CRMP1: variants seen among roughly 807,000 people sequenced by gnomAD.
CRMP1 encodes collapsin response mediator protein 1.
A neutral mutation model predicts 68.3 loss-of-function variants in CRMP1; 19 were observed. The observed-to-expected ratio is 0.28, with a 90% confidence interval of 0.19 to 0.41. The LOEUF is 0.41. CRMP1 is among the 10% of genes least tolerant of loss of function. The pLI, the probability that CRMP1 is intolerant of heterozygous loss-of-function variation, is 1.00. For synonymous variants in CRMP1, 439 were observed against 399.6 expected (o/e 1.10, Z -1.18); for missense variants, 791 against 967.4 (o/e 0.82, Z 2.42).
Position 5,892,237 on chromosome 4 carries a change from G to A in CRMP1, c.381+352C>T, listed in dbSNP as rs1029674381. On this transcript the variant is annotated intron_variant, in intron 1 of 13. Transcript: ENST00000324989. The surrounding 1 kb of genome is among the most constrained non-coding windows in gnomAD (Gnocchi z 8.6). Reference sequence around the variant, plus strand: ...TTCTTTTCACAAAACAGAATGAGGGGCCTGGGTTAGATTCATCCCAGAGGT... The same window carrying A: ...TTCTTTTCACAAAACAGAATGAGGGACCTGGGTTAGATTCATCCCAGAGGT... Among the ~76,000 whole-genome samples, 3 of 152,194 alleles carry A rather than the reference G, an allele frequency of 2.0e-5. No individual in the cohort carries two copies. The highest frequency in any genetic ancestry group is 7.2e-5 in the African/African-American group (3 of 41,456).
intron 1 of CRMP1, among the ~76,000 whole-genome samples, chr4:5,871,336 C>T (rs1714427241): frequency 6.6e-6 from 1 of 152,140 alleles, no homozygotes; most frequent in Non-Finnish European, 1.5e-5. Flanking sequence ...CAGGCCCAGA[C>T]AGGGGTTACC....
At chr4:5,829,728 A>G (rs866345083) in intron 11 of CRMP1, among the ~76,000 whole-genome samples, 1 of 152,204 alleles carries the variant, frequency 6.6e-6, no homozygotes, top group African/African-American at 2.4e-5. Flanking sequence ...CACACATACA[A>G]AATACTTTTA....
chr4:5,887,833 C>T, intron 1 of CRMP1: 2 of 999,348 alleles, frequency 2.0e-6, no homozygotes, highest in Non-Finnish European at 2.4e-6. Context: ...GGTGCGGGGG[C>T]CGAGCCAAGG....
chr4:5,828,993 G>GTTC (rs1258246593), intron 11 of CRMP1, among the ~76,000 whole-genome samples: 1 of 151,966 alleles, frequency 6.6e-6, no homozygotes, highest in African/African-American at 2.4e-5. Flanking sequence ...TAAGTAAAAT[G>GTTC]TTCTTCATTT....
intron 6 of CRMP1, among the ~76,000 whole-genome samples, chr4:5,847,406 G>C (rs558600302): frequency 3.9e-5 from 6 of 152,260 alleles, no homozygotes; most frequent in Non-Finnish European, 5.9e-5. Flanking sequence ...AATCATGGGG[G>C]CCAGAAGACA....
rs138783492 is a variant in CRMP1, at chr4:5,821,630, A to G, written c.*130T>C. 1,245 of 844,368 alleles carry G rather than the reference A, an allele frequency of 1.5e-3. 12 individuals are homozygous for G. The African/African-American group carries it at 0.019, about 13-fold the overall frequency. The allele number at this position is 844,368 out of a possible 1,614,324, so 52.3% of individuals were successfully genotyped here. A position where few individuals can be genotyped will look rare whatever the true frequency, so the allele number is the denominator to read the frequency against. ...ACTTCTTCCTAAACAGAAAAGGGAA[A>G]GAGCATCCTTCGACTTCCCCCTCCC... is the stretch of plus-strand genomic sequence containing the variant. On this transcript the variant is annotated 3_prime_UTR_variant, in exon 14 of 14. Transcript: ENST00000324989. This position sits in a 1 kb window ranked among gnomAD's most constrained non-coding sequence, Gnocchi z 4.4.
At position 5,870,421 on chromosome 4, in the gene CRMP1, C is replaced by T. The variant is rs893449341; in HGVS notation, c.382-3665G>A. Among the ~76,000 whole-genome samples, 1 of 152,256 alleles carries T rather than the reference C, an allele frequency of 6.6e-6. No individual in the cohort carries two copies. The highest frequency in any genetic ancestry group is 2.4e-5 in the African/African-American group (1 of 41,466). ...GTGCAGGACACAACTCCCCAGGGGACGCATGACACAGGCGTTGGTGGGGAC... is the reference window on the plus strand; with the variant it reads ...GTGCAGGACACAACTCCCCAGGGGATGCATGACACAGGCGTTGGTGGGGAC... On this transcript the variant is annotated intron_variant, in intron 1 of 13. Coordinates refer to ENST00000324989, the MANE Select transcript of CRMP1 (RefSeq NM_001014809.3). This position sits in a 1 kb window ranked among gnomAD's most constrained non-coding sequence, Gnocchi z 6.0.
At chr4:5,832,791 T>A (rs1349511622) in intron 11 of CRMP1, among the ~76,000 whole-genome samples, 1 of 152,226 alleles carries the variant, frequency 6.6e-6, no homozygotes, top group Admixed American at 6.5e-5. Context: ...TTGGGTATAT[T>A]ACATATTGTT....
intron 2 of CRMP1, among the ~76,000 whole-genome samples, chr4:5,864,252 G>C (rs1713815826): frequency 6.6e-6 from 1 of 152,128 alleles, no homozygotes; most frequent in Admixed American, 6.5e-5. Flanking sequence ...CTAGCAGCAG[G>C]TGGTGTGTGG....
At chr4:5,871,656 C>T (rs746721411) in intron 1 of CRMP1, among the ~76,000 whole-genome samples, 5 of 151,712 alleles carry the variant, frequency 3.3e-5, no homozygotes, top group East Asian at 1.9e-4. Context: ...TGAGATTCCC[C>T]GCTCCCCGCC....
chr4:5,868,261 C>CTATATATATATATATATATATATA (rs60816757), intron 1 of CRMP1, among the ~76,000 whole-genome samples: 2 of 111,470 alleles, frequency 1.8e-5, no homozygotes, highest in Non-Finnish European at 3.6e-5. Flanking sequence ...GACTATATAT[C>CTATATATATATATATATATATATA]TATATATATA....
At position 5,841,560 on chromosome 4, in the gene CRMP1, A is replaced by G; in HGVS notation, c.1033-132T>C. On this transcript the variant is annotated intron_variant, in intron 7 of 13. Transcript: ENST00000324989. The surrounding 1 kb of genome is among the most constrained non-coding windows in gnomAD (Gnocchi z 6.9). Reference sequence around the variant, plus strand: ...TGAATGAGAAGGACATACTGAGTCCAACAGCGCTTGACAGTGCCCCCTGCT... The same window carrying G: ...TGAATGAGAAGGACATACTGAGTCCGACAGCGCTTGACAGTGCCCCCTGCT... 1 of 1,429,304 alleles carries G rather than the reference A, an allele frequency of 7.0e-7. No homozygotes were observed. The highest frequency in any genetic ancestry group is 9.6e-7 in the Non-Finnish European group (1 of 1,043,674). The allele number at this position is 1,429,304 out of a possible 1,614,324, so 88.5% of individuals were successfully genotyped here. A position where few individuals can be genotyped will look rare whatever the true frequency, so the allele number is the denominator to read the frequency against.
Position 5,877,668 on chromosome 4 carries a change from G to T in CRMP1, c.382-10912C>A, listed in dbSNP as rs1714933907. The stretch of plus-strand genomic sequence containing the variant: ...TTCGTTCCCCCTCTCACGGGTAGGG[G>T]ACAGGGCGGCTTTCCCCCTTTCATG... On this transcript the variant is annotated intron_variant, in intron 1 of 13. Transcript: ENST00000324989. The surrounding 1 kb of genome is among the most constrained non-coding windows in gnomAD (Gnocchi z 4.3). Among the ~76,000 whole-genome samples, 1 of 152,200 alleles carries T rather than the reference G, an allele frequency of 6.6e-6. No individual in the cohort carries two copies. The highest frequency in any genetic ancestry group is 6.5e-5 in the Admixed American group (1 of 15,280).
intron 8 of CRMP1, among the ~76,000 whole-genome samples, chr4:5,840,968 A>C (rs985531618): frequency 3.8e-5 from 5 of 129,978 alleles, no homozygotes; most frequent in African/African-American, 1.6e-4. Context: ...AGTTGTGTAC[A>C]TGTAAGATAC....
rs1719485825 is a variant in CRMP1 at position 5,825,820 on chromosome 4, CACAT to C, written c.1804-165_1804-162del. On this transcript the variant is annotated intron_variant, in intron 12 of 13. Transcript: ENST00000324989. This position sits in a 1 kb window ranked among gnomAD's most constrained non-coding sequence, Gnocchi z 4.4. ...GCACACACGACAGGTGCACTTCACA[CACAT>C]GCAGCCGCACACAGGCATTCATACA... The C allele has an allele frequency of 1.5e-6, 1 of 673,264 alleles. No homozygotes were observed. Among genetic ancestry groups the C allele is most frequent in the Non-Finnish European group, 2.5e-6 (1 of 398,904 alleles). The allele number at this position is 673,264 out of a possible 1,614,324, so 41.7% of individuals were successfully genotyped here.
intron 11 of CRMP1, among the ~76,000 whole-genome samples, chr4:5,835,714 A>G (rs1420304201): frequency 2.0e-5 from 3 of 152,230 alleles, no homozygotes; most frequent in African/African-American, 4.8e-5. Flanking sequence ...AGAGAAAGAG[A>G]AGGAGAAGCA....
Position 5,821,562 on chromosome 4 carries a change from T to C in CRMP1, c.*198A>G, listed in dbSNP as rs531582104. Reference sequence around the variant, plus strand: ...GAGGTGGATTCAGCATGAACACAACTGTGGGGCAAGGAATTTCCAAGCAAA... The same window carrying C: ...GAGGTGGATTCAGCATGAACACAACCGTGGGGCAAGGAATTTCCAAGCAAA... On this transcript the variant is annotated 3_prime_UTR_variant, in exon 14 of 14. Transcript: ENST00000324989. The surrounding 1 kb of genome is among the most constrained non-coding windows in gnomAD (Gnocchi z 4.4). 1 of 587,460 alleles carries C rather than the reference T, an allele frequency of 1.7e-6. No individual in the cohort carries two copies. The highest frequency in any genetic ancestry group is 2.8e-5 in the East Asian group (1 of 35,848). The allele number at this position is 587,460 out of a possible 1,614,324, so 36.4% of individuals were successfully genotyped here.
Position 5,841,190 on chromosome 4 carries a change from C to A in CRMP1, c.1153+118G>T, listed in dbSNP as rs1711695830. The A allele has an allele frequency of 1.3e-6, 2 of 1,520,542 alleles. No homozygotes were observed. The highest frequency in any genetic ancestry group is 1.4e-5 in the African/African-American group (1 of 73,192). The allele number at this position is 1,520,542 out of a possible 1,614,324, so 94.2% of individuals were successfully genotyped here. A position where few individuals can be genotyped will look rare whatever the true frequency, so the allele number is the denominator to read the frequency against. The stretch of plus-strand genomic sequence containing the variant: ...CATCCTTGTGTCAGGAGCATCCCCG[C>A]TCCACCCCTCCCTCCTCCGGCTGCC... On this transcript the variant is annotated intron_variant, in intron 8 of 13. Transcript: ENST00000324989. The surrounding 1 kb of genome is among the most constrained non-coding windows in gnomAD (Gnocchi z 6.9).
chr4:5,839,650 G>A lies in CRMP1; in HGVS notation c.1182C>T (p.Ala394=), dbSNP rs374628256. 24 of 1,612,848 alleles carry A rather than the reference G, an allele frequency of 1.5e-5. No individual in the cohort carries two copies. The highest frequency in any genetic ancestry group is 1.1e-4 in the African/African-American group (8 of 74,864). ...KGPLVFGEPI[A]ASLGTDGTHY... is the part of the protein sequence containing the mutation. ...GGGTGCCATCGGTCCCCAGGCTGGC[G>A]GCAATGGGCTCTCCAAAAACTAGGG... is the stretch of plus-strand genomic sequence containing the variant. Residue 394 remains alanine, a synonymous_variant, in exon 9 of 14, where the codon GCC becomes GCT. Coordinates refer to ENST00000324989, the MANE Select transcript of CRMP1 (RefSeq NM_001014809.3).
Sources: gnomAD v4.1 joint callset for allele counts (sites outside exome capture counted in the v4.1 genomes callset) on GRCh38, gnomAD v4.1.1 for gene constraint, Gnocchi (gnomAD v3.1) non-coding constraint, MANE v1.5 for transcripts, NCBI Gene and HGNC (gene_info 2026-07-23, HGNC 2026-07-21) for gene names.